The following LPP variants were observed in gnomAD, a reference collection of about 807,000 sequenced individuals.
LPP encodes the protein LIM domain containing preferred translocation partner in lipoma, also known as lipoma-preferred partner.
LPP carries 38 observed loss-of-function variants against 60.4 expected under a neutral mutation model. The observed-to-expected ratio is 0.63, with a 90% CI of 0.49 to 0.83. LPP has a LOEUF of 0.83. Ranked by LOEUF, LPP falls within the 40% of genes least tolerant of loss-of-function variation. The pLI, the probability that LPP is intolerant of heterozygous loss-of-function variation, is 0.00. For missense variants in LPP, 902 were observed against 783.6 expected, an observed-to-expected ratio of 1.15 and a Z score of -1.80; for synonymous variants, 328 against 290.8, an observed-to-expected ratio of 1.13 and a Z score of -1.30.
chr3:188,722,579 C>T (rs1716868895), intron 8 of LPP, among the ~76,000 whole-genome samples: 1 of 152,150 alleles, frequency 6.6e-6, no homozygotes, highest in Admixed American at 6.5e-5. Context: ...CTTCTTTTAG[C>T]AGCTTTAAAA....
chr3:188,550,909 A>G (rs1251346251), intron 6 of LPP, among the ~76,000 whole-genome samples: 1 of 152,168 alleles, frequency 6.6e-6, no homozygotes, highest in Non-Finnish European at 1.5e-5. Flanking sequence ...TGGTGTCACT[A>G]TATCTTTTGG....
intron 2 of LPP, among the ~76,000 whole-genome samples, chr3:188,336,717 G>A (rs1233541907): frequency 6.6e-6 from 1 of 152,112 alleles, no homozygotes; most frequent in Non-Finnish European, 1.5e-5. Flanking sequence ...CACTAAGCAG[G>A]TAGACCAGCT....
intron 7 of LPP, among the ~76,000 whole-genome samples, chr3:188,692,489 C>T (rs1862349006): frequency 6.6e-6 from 1 of 152,210 alleles, no homozygotes; most frequent in South Asian, 2.1e-4. Context: ...ATGCAAATCC[C>T]ATCTTTGTCC....
At chr3:188,410,437 A>G (rs1293520293) in intron 4 of LPP, among the ~76,000 whole-genome samples, 2 of 152,232 alleles carry the variant, frequency 1.3e-5, no homozygotes, top group Non-Finnish European at 2.9e-5. Context: ...TTCCACATCA[A>G]CTTATCTTTC....
At chr3:188,492,770 C>T (rs1366074399) in intron 5 of LPP, among the ~76,000 whole-genome samples, 1 of 152,090 alleles carries the variant, frequency 6.6e-6, no homozygotes, top group East Asian at 1.9e-4. Flanking sequence ...AAATTTATTT[C>T]TCTATGAGGG....
chr3:188,293,741 A>G (rs1013908140), intron 2 of LPP, among the ~76,000 whole-genome samples: 1 of 152,102 alleles, frequency 6.6e-6, no homozygotes, highest in African/African-American at 2.4e-5. Context: ...ACATGGATGA[A>G]CCTTGAAAAC....
chr3:188,426,654 T>C (rs1249503686), intron 4 of LPP, among the ~76,000 whole-genome samples: 3 of 152,186 alleles, frequency 2.0e-5, no homozygotes, highest in Admixed American at 6.5e-5. Flanking sequence ...GGTGCATATA[T>C]ATTTAGGGTA....
intron 3 of LPP, among the ~76,000 whole-genome samples, chr3:188,351,717 G>A (rs1198632887): frequency 6.6e-6 from 1 of 152,202 alleles, no homozygotes; most frequent in Non-Finnish European, 1.5e-5. Flanking sequence ...AAGGCACTCG[G>A]TAGTGGATAG....
At position 188,875,038 on chromosome 3, in the gene LPP, G is replaced by A. The variant is rs1769086169; in HGVS notation, c.*559G>A. 1 of 222,000 alleles carries A rather than the reference G, an allele frequency of 4.5e-6. No homozygotes were observed. The highest frequency in any genetic ancestry group is 9.0e-6 in the Non-Finnish European group (1 of 111,216). The allele number at this position is 222,000 out of a possible 1,614,324, so 13.8% of individuals were successfully genotyped here. A position where few individuals can be genotyped will look rare whatever the true frequency, so the allele number is the denominator to read the frequency against. On this transcript the variant is annotated 3_prime_UTR_variant, in exon 12 of 12. Transcript: ENST00000617246. ...TTTTGTTAGGCTGTAAAGAATTTAA[G>A]CTGTAAATTACATAAGTTAGAACAA...
Position 188,442,983 on chromosome 3 carries a change from G to A in LPP, c.193+36670G>A, listed in dbSNP as rs1794386948. 2.0e-5 allele frequency among the ~76,000 whole-genome samples: 3 copies of A among 152,144 alleles called. No individual in the cohort carries two copies. The South Asian group carries it at 6.2e-4, about 32-fold the overall frequency. On this transcript the variant is annotated intron_variant, in intron 4 of 11. Transcript: ENST00000617246. ...GTGTGTCTATTTGTAAAACCATTTT[G>A]GAGATGATAAAAAGCATTCTGAGAC... is the stretch of plus-strand genomic sequence containing the variant.
At chr3:188,576,787 G>A (rs1332942968) in intron 6 of LPP, among the ~76,000 whole-genome samples, 4 of 152,178 alleles carry the variant, frequency 2.6e-5, no homozygotes, top group South Asian at 2.1e-4. Context: ...TGATACTTCC[G>A]TGACTATCTC....
intron 1 of LPP, among the ~76,000 whole-genome samples, chr3:188,165,879 A>ACCAGCGGG (rs1719790490): frequency 6.6e-6 from 1 of 152,210 alleles, no homozygotes; most frequent in Non-Finnish European, 1.5e-5. Context: ...GTCCCAGCGT[A>ACCAGCGGG]ACACTGAGGT....
intron 7 of LPP, among the ~76,000 whole-genome samples, chr3:188,629,942 A>G (rs1215789933): frequency 1.3e-5 from 2 of 151,980 alleles, no homozygotes; most frequent in Non-Finnish European, 2.9e-5. Context: ...ACCTACAACC[A>G]TTGATAGTCA....
At chr3:188,359,276 G>T (rs1252987259) in intron 3 of LPP, among the ~76,000 whole-genome samples, 1 of 152,194 alleles carries the variant, frequency 6.6e-6, no homozygotes, top group East Asian at 1.9e-4. Flanking sequence ...AAAGCAAGCT[G>T]CATCCGAGGT....
rs780720711 is a variant in LPP, at chr3:188,884,493, T to G, written c.*10014T>G. The G allele has an allele frequency of 3.9e-5, 9 of 229,052 alleles. No individual in the cohort carries two copies. The highest frequency in any genetic ancestry group is 6.9e-5 in the Non-Finnish European group (8 of 115,572). 14.2% of individuals were successfully genotyped at this position (229,052 alleles called of 1,614,324 possible). On this transcript the variant is annotated 3_prime_UTR_variant, in exon 12 of 12. Coordinates refer to ENST00000617246, the MANE Select transcript of LPP (RefSeq NM_001375462.1). Reference sequence around the variant, plus strand: ...TTGTGGGAAACCTCTAGGTATTCTGTCTGATCAGCACTGTGAGGAAGTTGG... The same window carrying G: ...TTGTGGGAAACCTCTAGGTATTCTGGCTGATCAGCACTGTGAGGAAGTTGG...
chr3:188,367,532 G>C (rs890140616), intron 3 of LPP, among the ~76,000 whole-genome samples: 1 of 152,112 alleles, frequency 6.6e-6, no homozygotes, highest in Non-Finnish European at 1.5e-5. Context: ...ATATGATGTC[G>C]ATAAAAATAG....
intron 7 of LPP, among the ~76,000 whole-genome samples, chr3:188,636,683 G>A (rs1211330134): frequency 2.6e-5 from 4 of 152,154 alleles, no homozygotes; most frequent in Admixed American, 6.5e-5. Context: ...AGAGAGCAGT[G>A]GTTCTCCCAG....
At chr3:188,515,157 C>T (rs1816978436) in intron 5 of LPP, among the ~76,000 whole-genome samples, 1 of 152,060 alleles carries the variant, frequency 6.6e-6, no homozygotes, top group Non-Finnish European at 1.5e-5. Context: ...TGAAGTGGGG[C>T]CTAATGGGAG....
chr3:188,865,967 T>G lies in LPP; in HGVS notation c.1411-233T>G, dbSNP rs6803928. On this transcript the variant is annotated intron_variant, in intron 9 of 11. Coordinates refer to ENST00000617246, the MANE Select transcript of LPP (RefSeq NM_001375462.1). ...CTTGACCCATCTAATTGTGTTTCCT[T>G]CTCTCTATAACACACTTCTTTGGCC... Among the ~76,000 whole-genome samples the G allele has an allele frequency of 2.2e-3, 342 of 152,300 alleles. 2 individuals are homozygous for G. Among genetic ancestry groups the G allele is most frequent in the African/African-American group, 8.0e-3 (331 of 41,574 alleles).
Sources: allele counts gnomAD v4.1 joint callset (sites outside exome capture counted in the v4.1 genomes callset), GRCh38; gene constraint gnomAD v4.1.1; transcripts MANE v1.5; gene names NCBI Gene and HGNC (gene_info 2026-07-23, HGNC 2026-07-21).